Variants in MYBPH observed in about 807,000 individuals in gnomAD.
MYBPH encodes myosin binding protein H.
In MYBPH, 49 loss-of-function variants were observed where a neutral mutation model predicts 53.6. The observed-to-expected ratio is 0.91, with a 90% CI of 0.73 to 1.16. The LOEUF (loss-of-function observed/expected upper bound fraction) is 1.16, where lower values mean the gene tolerates loss of function less well. MYBPH is among the 50% of genes most tolerant of loss of function. The probability of loss-of-function intolerance (pLI) is 0.00; values close to 1 mark genes in which losing one functional copy is unlikely to be tolerated. For missense variants in MYBPH, 558 were observed against 624.1 expected (o/e 0.89, Z 1.13); for synonymous variants, 239 against 249.6 (o/e 0.96, Z 0.40).
intron 3 of MYBPH, 145 bp downstream of exon 3, chr1:203,174,285 A>T (rs1249001319): frequency 7.3e-7 from 1 of 1,375,748 alleles, no homozygotes; most frequent in Non-Finnish European, 9.4e-7. Flanking sequence ...TCTTAAGGCA[A>T]GATGGTGATA....
chr1:203,176,990 T>C (rs1655823706), upstream of MYBPH, among the ~76,000 whole-genome samples: 1 of 152,220 alleles, frequency 6.6e-6, no homozygotes, highest in African/African-American at 2.4e-5. Flanking sequence ...TAAATAACTG[T>C]GGAGTGTTTA....
Position 203,171,819 on chromosome 1 carries a change from G to T in MYBPH, c.597+133C>A. The T allele has an allele frequency of 1.4e-6, 1 of 717,870 alleles. No homozygotes were observed. The highest frequency in any genetic ancestry group is 2.1e-6 in the Non-Finnish European group (1 of 466,586). 44.5% of individuals were successfully genotyped at this position (717,870 alleles called of 1,614,324 possible). ...AGAATCACCAATGAGTCATGTGCAT[G>T]ATTGCGGAAGGATGAAGCCGTCTCG... On this transcript the variant is annotated intron_variant, in intron 4 of 10. Transcript: ENST00000255416. This position sits in a 1 kb window ranked among gnomAD's most constrained non-coding sequence, Gnocchi z 4.2.
rs534230293 is a variant in MYBPH, at chr1:203,171,792, T to C, written c.597+160A>G. ...GGGGCCCACCTGCCCATCCACAGGC[T>C]GAGAATCACCAATGAGTCATGTGCA... is the stretch of plus-strand genomic sequence containing the variant. On this transcript the variant is annotated intron_variant, in intron 4 of 10. Transcript: ENST00000255416. This position sits in a 1 kb window ranked among gnomAD's most constrained non-coding sequence, Gnocchi z 4.2. Among the ~76,000 whole-genome samples the C allele has an allele frequency of 6.6e-6, 1 of 152,272 alleles. No homozygotes were observed. Among genetic ancestry groups the C allele is most frequent in the East Asian group, 1.9e-4 (1 of 5,176 alleles).
At position 203,175,679 on chromosome 1, in the gene MYBPH, G is replaced by A. The variant is rs1407422013; in HGVS notation, c.77C>T (p.Thr26Ile). Reference sequence around the variant, plus strand: ...TGCCACTTCTCCGGGAGGCTCTGCTGTGGGCACCTTGGCAGATTCAGATGC... The same window carrying A: ...TGCCACTTCTCCGGGAGGCTCTGCTATGGGCACCTTGGCAGATTCAGATGC... ...ETASESAKVP[T>I]AEPPGEVAVS... is the part of the protein sequence containing the mutation. The change falls in exon 1 of 11, where the codon ACA (threonine) becomes ATA (isoleucine). Residue 26 changes from threonine (T) to isoleucine (I), a missense_variant. Transcript: ENST00000255416. 5 of 1,614,038 alleles carry A rather than the reference G, an allele frequency of 3.1e-6. No homozygotes were observed. In the East Asian group the frequency reaches 1.1e-4, roughly 36 times the overall value.
chr1:203,176,172 A>G (rs1218671060), upstream of MYBPH, among the ~76,000 whole-genome samples: 2 of 152,168 alleles, frequency 1.3e-5, no homozygotes, highest in African/African-American at 2.4e-5. Flanking sequence ...TCTGGCGTCT[A>G]TGGGGCCACT....
chr1:203,175,937 G>T (rs983048421), upstream of MYBPH: 17 of 614,652 alleles, frequency 2.8e-5, no homozygotes, highest in South Asian at 2.6e-4. Context: ...GTGGAGAGGC[G>T]CCCAGGCCAG....
intron 3 of MYBPH, among the ~76,000 whole-genome samples, chr1:203,172,617 C>T (rs1218800371): frequency 1.3e-5 from 2 of 152,204 alleles, no homozygotes; most frequent in Non-Finnish European, 2.9e-5. Flanking sequence ...CCTTCTTCCT[C>T]TGTCACCCTC....
rs757351367 is a variant in MYBPH, at chr1:203,171,456, G to A, written c.720C>T (p.Asp240=). The change falls in exon 5 of 11, where the codon GAC becomes GAT. Residue 240 remains aspartate, a synonymous_variant. Transcript: ENST00000255416. The surrounding 1 kb of genome is among the most constrained non-coding windows in gnomAD (Gnocchi z 4.2). ...ILFIRSAQRS[D]SGRYELTVRV... ...GCACAGTGAGCTCGTAGCGGCCAGA[G>A]TCGGAGCGCTGGGCCGAGCGAATGA... 6.8e-6 allele frequency: 11 copies of A among 1,613,974 alleles called. No homozygotes were observed. Among genetic ancestry groups the A allele is most frequent in the African/African-American group, 1.3e-5 (1 of 75,070 alleles).
chr1:203,169,368 C>G lies in MYBPH; in HGVS notation c.1115G>C (p.Gly372Ala), dbSNP rs763395989. The G allele has an allele frequency of 3.2e-6, 5 of 1,586,488 alleles. No homozygotes were observed. Among genetic ancestry groups the G allele is most frequent in the Non-Finnish European group, 4.3e-6 (5 of 1,164,788 alleles). ...TTCTGAGAAGTCTCGCTCAATAAAC[C>G]CTTTAGGTTTGGCAGCAATATCTGG... The part of the protein sequence containing the change: ...QKADIAAKPK[G>A]FIERDFSEAP... Residue 372 changes from glycine (G) to alanine (A), a missense_variant, in exon 8 of 11, where the codon GGG becomes GCG. By Grantham distance (60) the Gly-to-Ala change is moderately conservative (BLOSUM62 0). Coordinates refer to ENST00000255416, the MANE Select transcript of MYBPH (RefSeq NM_004997.3).
upstream of MYBPH, among the ~76,000 whole-genome samples, chr1:203,176,329 G>A (rs751797570): frequency 2.0e-5 from 3 of 152,138 alleles, no homozygotes; most frequent in Non-Finnish European, 2.9e-5. Context: ...GTATGAGGCT[G>A]AGGGCCCTAG....
intron 3 of MYBPH, 164 bp downstream of exon 3, chr1:203,174,266 C>G: frequency 1.0e-6 from 1 of 974,988 alleles, no homozygotes; most frequent in Non-Finnish European, 1.2e-6. Context: ...GCTGAGGAAC[C>G]TGGAACTTTC....
At position 203,169,291 on chromosome 1, in the gene MYBPH, T is replaced by A; in HGVS notation, c.1192A>T (p.Ser398Cys). The change falls in exon 8 of 11, where the codon AGC becomes TGC. Residue 398 changes from serine to cysteine, a missense_variant. Ser to Cys is a moderately radical substitution (Grantham distance 112, BLOSUM62 -1). Coordinates refer to ENST00000255416, the MANE Select transcript of MYBPH (RefSeq NM_004997.3). ...LADHTSTPGY[S>C]TQLFCSVRAS... ...CGGACACTGCAGAACAACTGGGTGC[T>A]GTAGCCAGGGGTGGAGGTGTGGTCA... is the stretch of plus-strand genomic sequence containing the variant. 6.2e-7 allele frequency: 1 copy of A among 1,613,514 alleles called. No individual in the cohort carries two copies.
chr1:203,170,593 T>C lies in MYBPH; in HGVS notation c.934-143A>G, dbSNP rs1438721625. ...CATCCAGCTTTGGGCCTCAGGGACA[T>C]TGAATTGGAAGAAGGGGCCCCTGGG... On this transcript the variant is annotated intron_variant, in intron 6 of 10. Transcript: ENST00000255416. 6 of 1,134,704 alleles carry C rather than the reference T, an allele frequency of 5.3e-6. No individual in the cohort carries two copies. The Admixed American group carries it at 1.7e-4, about 33-fold the overall frequency. 70.3% of individuals were successfully genotyped at this position (1,134,704 alleles called of 1,614,324 possible).
At chr1:203,178,322 C>T (rs1655855339), upstream of MYBPH, among the ~76,000 whole-genome samples, 1 of 152,196 alleles carries the variant, frequency 6.6e-6, no homozygotes, top group South Asian at 2.1e-4. Flanking sequence ...GAGGGGTGAA[C>T]AGAACAAAGG....
Position 203,171,290 on chromosome 1 carries a change from C to G in MYBPH, c.794-90G>C. The G allele has an allele frequency of 6.4e-7, 1 of 1,560,470 alleles. No individual in the cohort carries two copies. Among genetic ancestry groups the G allele is most frequent in the Non-Finnish European group, 8.7e-7 (1 of 1,151,250 alleles). On this transcript the variant is annotated intron_variant, in intron 5 of 10. Transcript: ENST00000255416. This position sits in a 1 kb window ranked among gnomAD's most constrained non-coding sequence, Gnocchi z 4.2. ...CCAAAATTTGGCTCTTGCCACACTCCCTTGGCCTGCTCCCATCAGCCATCA... is the reference window on the plus strand; with the variant it reads ...CCAAAATTTGGCTCTTGCCACACTCGCTTGGCCTGCTCCCATCAGCCATCA...
upstream of MYBPH, among the ~76,000 whole-genome samples, chr1:203,178,543 C>T (rs1460625675): frequency 6.6e-6 from 1 of 152,210 alleles, no homozygotes; most frequent in Non-Finnish European, 1.5e-5. Context: ...GGCTTTCTAA[C>T]CTGGTCCTGT....
chr1:203,170,887 C>T (rs1302924986), intron 6 of MYBPH, among the ~76,000 whole-genome samples, 174 bp downstream of exon 6: 1 of 152,206 alleles, frequency 6.6e-6, no homozygotes, highest in African/African-American at 2.4e-5. Flanking sequence ...CTTCAGGAGG[C>T]ATCTGAGGTC....
rs766142132 is a variant in MYBPH at position 203,168,949 on chromosome 1, A to G, written c.1374T>C (p.Asn458=). The G allele has an allele frequency of 1.1e-5, 18 of 1,613,868 alleles. No homozygotes were observed. The highest frequency in any genetic ancestry group is 1.4e-5 in the Non-Finnish European group (17 of 1,180,026). Residue 458 remains asparagine (N), a synonymous_variant, in exon 9 of 11, where the codon AAT becomes AAC. Transcript: ENST00000255416. ...DSGVYTCKAI[N]VLGEASVDCR... ...AGTCCACAGATGCCTCCCCCAGCAC[A>G]TTTATGGCCTTGCAGGTGTAGACCC...
chr1:203,173,249 A>G (rs1170261795), intron 3 of MYBPH, among the ~76,000 whole-genome samples: 4 of 152,184 alleles, frequency 2.6e-5, no homozygotes, highest in Non-Finnish European at 5.9e-5. Flanking sequence ...AAGGCCCAGC[A>G]CCGTCCCAAC....
Sources: allele counts gnomAD v4.1 joint callset (sites outside exome capture counted in the v4.1 genomes callset), GRCh38; gene constraint gnomAD v4.1.1; non-coding constraint Gnocchi (gnomAD v3.1); transcripts MANE v1.5; gene names NCBI Gene and HGNC (gene_info 2026-07-23, HGNC 2026-07-21).